Variants in NGLY1 observed in about 807,000 individuals in gnomAD.
NGLY1 encodes the protein peptide-N(4)-(N-acetyl-beta-glucosaminyl)asparagine amidase.
NGLY1 carries 68 observed loss-of-function variants against 84.6 expected under a neutral mutation model. That is an observed-to-expected ratio of 0.80 (90% CI 0.66 to 0.98). The LOEUF is 0.98. Among genes scored for constraint, NGLY1 ranks in the 50% least tolerant of loss-of-function variants. NGLY1 has a pLI of 0.00. For missense variants in NGLY1, 779 were observed against 770.2 expected, an observed-to-expected ratio of 1.01 and a Z score of -0.14; for synonymous variants, 280 against 275.2, an observed-to-expected ratio of 1.02 and a Z score of -0.17.
chr3:25,732,527 T>C (rs1705595166), intron 8 of NGLY1, 44 bp from the exon 9 acceptor site: 21 of 1,490,610 alleles, frequency 1.4e-5, no homozygotes, highest in Middle Eastern at 2.0e-4. Flanking sequence ...ATTAGGGGAA[T>C]GTATAGGTCC....
intron 3 of NGLY1, among the ~76,000 whole-genome samples, chr3:25,762,324 T>G (rs890233130): frequency 6.6e-6 from 1 of 152,176 alleles, no homozygotes; most frequent in Non-Finnish European, 1.5e-5. Flanking sequence ...GTATAGCAAC[T>G]AATGATGAAA....
chr3:25,728,102 T>C (rs1219671034), intron 10 of NGLY1, among the ~76,000 whole-genome samples: 2 of 152,150 alleles, frequency 1.3e-5, no homozygotes, highest in Non-Finnish European at 2.9e-5. Context: ...AAGTTACTAA[T>C]ACAAAAATAC....
chr3:25,728,944 T>C (rs989000423), intron 10 of NGLY1, among the ~76,000 whole-genome samples, 189 bp downstream of exon 10: 2 of 152,136 alleles, frequency 1.3e-5, no homozygotes, highest in African/African-American at 4.8e-5. Flanking sequence ...TTCCTTGATA[T>C]AAATGCAAGA....
At chr3:25,767,313 A>G (rs1707635174) in intron 2 of NGLY1, among the ~76,000 whole-genome samples, 1 of 152,150 alleles carries the variant, frequency 6.6e-6, no homozygotes, top group Non-Finnish European at 1.5e-5. Context: ...AAAAGAAATC[A>G]AAAAGAATTC....
At chr3:25,783,477 G>C (rs911446271), upstream of NGLY1, 2 of 1,322,510 alleles carry the variant, frequency 1.5e-6, no homozygotes, top group Admixed American at 4.2e-5. The surrounding 1 kb of genome is among the most constrained non-coding windows in gnomAD (Gnocchi z 4.5). Flanking sequence ...AGCTACCGCA[G>C]CCACCGGCAG....
intron 4 of NGLY1, among the ~76,000 whole-genome samples, chr3:25,748,799 T>C (rs1706571560): frequency 6.6e-6 from 1 of 152,116 alleles, no homozygotes; most frequent in South Asian, 2.1e-4. Context: ...ATTCACTAAT[T>C]TAAATTCACT....
At chr3:25,756,296 TA>T (rs986822381) in intron 3 of NGLY1, among the ~76,000 whole-genome samples, 1 of 152,222 alleles carries the variant, frequency 6.6e-6, no homozygotes, top group Admixed American at 6.5e-5. Context: ...ACCTGGAATT[TA>T]AAAAATATCA....
chr3:25,739,829 G>A (rs746288680), intron 4 of NGLY1, 30 bp from the exon 5 acceptor site: 1 of 1,539,812 alleles, frequency 6.5e-7, no homozygotes, highest in South Asian at 1.1e-5. Context: ...CCAAGTAAGA[G>A]CTAAAACTGA....
intron 3 of NGLY1, among the ~76,000 whole-genome samples, chr3:25,759,211 G>A (rs2125534707): frequency 6.6e-6 from 1 of 151,988 alleles, no homozygotes; most frequent in East Asian, 1.9e-4. Context: ...CATTACAGAA[G>A]AGATGGGTAC....
intron 4 of NGLY1, chr3:25,749,635 C>A: frequency 6.8e-7 from 1 of 1,473,108 alleles, no homozygotes; most frequent in Non-Finnish European, 9.4e-7. Flanking sequence ...ATAGAAGGTT[C>A]AAGAGCCAGA....
rs951789087 is a variant in NGLY1, at chr3:25,719,705, G to A, written c.1790-70C>T. ...TAAAGAGCACAGATCATTTTGAAAT[G>A]TATTTTATATAGGCTGATGTATAAG... On this transcript the variant is annotated intron_variant, in intron 11 of 11. Coordinates refer to ENST00000280700, the MANE Select transcript of NGLY1 (RefSeq NM_018297.4). 37 of 1,270,860 alleles carry A rather than the reference G, an allele frequency of 2.9e-5. 1 individual carries two copies. The Middle Eastern group carries it at 5.7e-4, about 20-fold the overall frequency. 78.7% of individuals were successfully genotyped at this position (1,270,860 alleles called of 1,614,324 possible). A position where few individuals can be genotyped will look rare whatever the true frequency, so the allele number is the denominator to read the frequency against.
At chr3:25,721,673 C>T (rs764894886) in intron 10 of NGLY1, among the ~76,000 whole-genome samples, 1 of 142,606 alleles carries the variant, frequency 7.0e-6, no homozygotes, top group African/African-American at 2.7e-5. Context: ...GGTGTGAACC[C>T]GGGGGGCGGA....
intron 2 of NGLY1, among the ~76,000 whole-genome samples, chr3:25,776,392 A>G (rs139063083): frequency 6.6e-6 from 1 of 152,316 alleles, no homozygotes; most frequent in African/African-American, 2.4e-5. Flanking sequence ...GTTGTCATTT[A>G]CTCAATTTTC....
At chr3:25,749,094 A>G (rs975721817) in intron 4 of NGLY1, among the ~76,000 whole-genome samples, 4 of 152,208 alleles carry the variant, frequency 2.6e-5, no homozygotes, top group Admixed American at 1.3e-4. Flanking sequence ...TCAGAAAATA[A>G]TAAGCGTTGG....
chr3:25,783,442 C>G lies in NGLY1; in HGVS notation c.-52G>C. On this transcript the variant is annotated 5_prime_UTR_variant, in exon 1 of 12. Transcript: ENST00000280700. The surrounding 1 kb of genome is among the most constrained non-coding windows in gnomAD (Gnocchi z 4.5). ...CGCCCCTCGCTCTCCGCGTCCCACA[C>G]TGAGCAGGCGCCTCAGCGCGCAGCA... The G allele has an allele frequency of 6.8e-7, 1 of 1,474,318 alleles. No individual in the cohort carries two copies. The highest frequency in any genetic ancestry group is 1.3e-5 in the South Asian group (1 of 75,562). 91.3% of individuals were successfully genotyped at this position (1,474,318 alleles called of 1,614,324 possible).
At chr3:25,750,783 T>C (rs928403580) in intron 4 of NGLY1, among the ~76,000 whole-genome samples, 5 of 152,150 alleles carry the variant, frequency 3.3e-5, no homozygotes, top group Non-Finnish European at 7.3e-5. Context: ...TGTAAAACAA[T>C]GTATAAGAGC....
chr3:25,764,401 C>A lies in NGLY1; in HGVS notation c.247-90G>T, dbSNP rs566169123. 16 of 1,330,156 alleles carry A rather than the reference C, an allele frequency of 1.2e-5. No individual in the cohort carries two copies. The East Asian group carries it at 3.5e-4, about 29-fold the overall frequency. 82.4% of individuals were successfully genotyped at this position (1,330,156 alleles called of 1,614,324 possible). A position where few individuals can be genotyped will look rare whatever the true frequency, so the allele number is the denominator to read the frequency against. ...CACACACAGAAATGTATAATGAAAC[C>A]AATAATATAGAATGCATGTTTCTAA... On this transcript the variant is annotated intron_variant, in intron 2 of 11. Coordinates refer to ENST00000280700, the MANE Select transcript of NGLY1 (RefSeq NM_018297.4).
At chr3:25,776,027 G>A (rs887310866) in intron 2 of NGLY1, among the ~76,000 whole-genome samples, 7 of 152,236 alleles carry the variant, frequency 4.6e-5, no homozygotes, top group African/African-American at 1.7e-4. Flanking sequence ...TTTCTTTTTG[G>A]TGGTAGAGTT....
intron 1 of NGLY1, chr3:25,789,825 A>G: frequency 6.4e-7 from 1 of 1,551,222 alleles, no homozygotes; most frequent in Non-Finnish European, 8.7e-7. Context: ...TATCACTGCC[A>G]AAGAAAAATG....
Sources: allele counts gnomAD v4.1 joint callset (sites outside exome capture counted in the v4.1 genomes callset), GRCh38; gene constraint gnomAD v4.1.1; non-coding constraint Gnocchi (gnomAD v3.1); transcripts MANE v1.5; gene names NCBI Gene and HGNC (gene_info 2026-07-23, HGNC 2026-07-21).